CSMD1: variants seen among roughly 807,000 people sequenced by gnomAD.
CSMD1 encodes CUB and sushi domain-containing protein 1.
CSMD1 carries 213 observed loss-of-function variants against 417.5 expected under a neutral mutation model. The ratio of observed to expected loss-of-function variants is 0.51; its 90% CI spans 0.46 to 0.57. The LOEUF (loss-of-function observed/expected upper bound fraction) is 0.57, where lower values mean the gene tolerates loss of function less well. Ranked by LOEUF, CSMD1 falls within the 20% of genes least tolerant of loss-of-function variation. CSMD1 has a pLI of 0.00. For synonymous variants in CSMD1, 2,862 were observed against 1,736.8 expected, an observed-to-expected ratio of 1.65 and a Z score of -16.11; for missense variants, 6,923 against 4,529.7, an observed-to-expected ratio of 1.53 and a Z score of -15.17.
At chr8:4,989,916 G>C (rs13265437) in intron 1 of CSMD1, among the ~76,000 whole-genome samples, 41,120 of 152,080 alleles carry the variant, frequency 0.27, 6,766 homozygotes, top group Middle Eastern at 0.46. Flanking sequence ...CAATAAACTG[G>C]AGAGTAAGGA....
chr8:3,066,084 T>C (rs1360033586), intron 49 of CSMD1, among the ~76,000 whole-genome samples: 1 of 152,164 alleles, frequency 6.6e-6, no homozygotes, highest in Non-Finnish European at 1.5e-5. Context: ...TATTGGCAAT[T>C]AGAGAAATTG....
intron 1 of CSMD1, among the ~76,000 whole-genome samples, chr8:4,971,413 C>G (rs1241924517): frequency 6.6e-6 from 1 of 151,998 alleles, no homozygotes; most frequent in Non-Finnish European, 1.5e-5. Context: ...TTTTCTCTAA[C>G]ACTACAATAA....
intron 3 of CSMD1, among the ~76,000 whole-genome samples, chr8:4,166,408 T>C (rs959617806): frequency 3.3e-4 from 50 of 152,212 alleles, no homozygotes; most frequent in Admixed American, 2.7e-3. Flanking sequence ...AAAATGTATA[T>C]ATACCACACA....
chr8:3,307,575 CCTTTTCTT>C, intron 25 of CSMD1, 112 bp downstream of exon 25: 1 of 1,188,044 alleles, frequency 8.4e-7, no homozygotes, highest in Non-Finnish European at 1.2e-6. Context: ...TACAGCTTTA[CCTTTTCTT>C]CTTTAGTTCA....
At chr8:4,786,801 CAATT>C (rs1207092248) in intron 1 of CSMD1, among the ~76,000 whole-genome samples, 1 of 151,314 alleles carries the variant, frequency 6.6e-6, no homozygotes, top group African/African-American at 2.4e-5. Context: ...ATAGATTTGT[CAATT>C]AATCCTAAAA....
intron 3 of CSMD1, among the ~76,000 whole-genome samples, chr8:4,109,243 T>C (rs992938876): frequency 1.3e-5 from 2 of 152,196 alleles, no homozygotes; most frequent in Non-Finnish European, 2.9e-5. Flanking sequence ...CCATTTTTTT[T>C]CTGAATGTTT....
intron 1 of CSMD1, among the ~76,000 whole-genome samples, chr8:4,818,112 A>G (rs1388688213): frequency 6.6e-6 from 1 of 152,186 alleles, no homozygotes; most frequent in Non-Finnish European, 1.5e-5. Context: ...ATACAGAACT[A>G]AAAGTCGGGA....
intron 1 of CSMD1, among the ~76,000 whole-genome samples, chr8:4,814,911 G>T (rs781751402): frequency 6.6e-6 from 1 of 152,050 alleles, no homozygotes. Context: ...ACAAAACTAC[G>T]TATTTGGTTG....
intron 47 of CSMD1, among the ~76,000 whole-genome samples, chr8:3,091,961 T>C (rs1814978520): frequency 6.6e-6 from 1 of 152,226 alleles, no homozygotes; most frequent in East Asian, 1.9e-4. Flanking sequence ...GTATTGTTGT[T>C]AGTATTTACA....
intron 6 of CSMD1, among the ~76,000 whole-genome samples, chr8:3,752,610 C>T (rs1797401307): frequency 6.8e-6 from 1 of 146,344 alleles, no homozygotes; most frequent in Non-Finnish European, 1.5e-5. Context: ...GGCAAGACTG[C>T]ACCACTGCAC....
At chr8:3,288,634 TG>T (rs1171826868) in intron 25 of CSMD1, among the ~76,000 whole-genome samples, 1 of 147,272 alleles carries the variant, frequency 6.8e-6, no homozygotes, top group African/African-American at 2.7e-5. Context: ...TTCTGTGGGA[TG>T]GGTGGTGATA....
chr8:3,543,012 C>T (rs141169015), intron 10 of CSMD1, among the ~76,000 whole-genome samples: 2 of 152,280 alleles, frequency 1.3e-5, no homozygotes, highest in African/African-American at 4.8e-5. Flanking sequence ...AATCCCACTT[C>T]ATGGCACCTG....
chr8:4,419,512 A>T (rs1408281456), intron 3 of CSMD1, among the ~76,000 whole-genome samples: 1 of 152,162 alleles, frequency 6.6e-6, no homozygotes, highest in African/African-American at 2.4e-5. Flanking sequence ...AAAGCAAATT[A>T]ATTTTCTCTC....
At chr8:3,525,935 A>T (rs989833857) in intron 10 of CSMD1, among the ~76,000 whole-genome samples, 1 of 152,200 alleles carries the variant, frequency 6.6e-6, no homozygotes, top group East Asian at 1.9e-4. Flanking sequence ...TATTACATGC[A>T]TTGTTCTTAA....
rs149828993 is a variant in CSMD1, at chr8:4,477,145, A to C, written c.303-57080T>G. Reference sequence around the variant, plus strand: ...AAGAGTCACAGTTTATCCAGTGGGCATTCTGTGACCCTTCCTTATCCCACT... The same window carrying C: ...AAGAGTCACAGTTTATCCAGTGGGCCTTCTGTGACCCTTCCTTATCCCACT... On this transcript the variant is annotated intron_variant, in intron 2 of 69. Transcript: ENST00000635120. Among the ~76,000 whole-genome samples, 17 of 152,294 alleles carry C rather than the reference A, an allele frequency of 1.1e-4. No individual in the cohort carries two copies. The East Asian group carries it at 2.3e-3, about 21-fold the overall frequency.
chr8:3,898,273 A>G (rs143645826), intron 5 of CSMD1, among the ~76,000 whole-genome samples: 185 of 152,332 alleles, frequency 1.2e-3, no homozygotes, highest in Non-Finnish European at 2.1e-3. Context: ...AAGCATGAAT[A>G]CAACCAAAAA....
At chr8:4,198,366 C>A (rs1366649706) in intron 3 of CSMD1, among the ~76,000 whole-genome samples, 3 of 152,226 alleles carry the variant, frequency 2.0e-5, no homozygotes, top group African/African-American at 4.8e-5. Context: ...GGAGCCTGAA[C>A]TTTGTCCTAC....
At chr8:4,142,444 C>T (rs13279449) in intron 3 of CSMD1, among the ~76,000 whole-genome samples, 45,267 of 150,878 alleles carry the variant, frequency 0.3, 8,439 homozygotes, top group Non-Finnish European at 0.39. Flanking sequence ...ACTAGTTTCC[C>T]TCTACTCCTC....
intron 5 of CSMD1, among the ~76,000 whole-genome samples, chr8:3,834,984 C>T (rs1343425591): frequency 6.6e-6 from 1 of 152,050 alleles, no homozygotes; most frequent in Non-Finnish European, 1.5e-5. Context: ...TCATCACTGG[C>T]CATCAGAGAA....
Sources: allele counts gnomAD v4.1 joint callset (sites outside exome capture counted in the v4.1 genomes callset), GRCh38; gene constraint gnomAD v4.1.1; transcripts MANE v1.5; gene names NCBI Gene and HGNC (gene_info 2026-07-23, HGNC 2026-07-21).